Variants in CPEB4 observed in about 807,000 individuals in gnomAD.
The protein encoded by CPEB4 is cytoplasmic polyadenylation element-binding protein 4.
CPEB4 carries 12 observed loss-of-function variants against 72.5 expected under a neutral mutation model. The ratio of observed to expected loss-of-function variants is 0.17; its 90% CI spans 0.11 to 0.27. The LOEUF is 0.27. Among genes scored for constraint, CPEB4 ranks in the 10% least tolerant of loss-of-function variants. The probability of loss-of-function intolerance (pLI) is 1.00; values close to 1 mark genes in which losing one functional copy is unlikely to be tolerated. For synonymous variants in CPEB4, 302 were observed against 326.3 expected (o/e 0.93, Z 0.80); for missense variants, 614 against 908.5 (o/e 0.68, Z 4.17).
In CPEB4 at chr5:173,888,352, C is replaced by T. The variant is rs746978132; in HGVS notation, c.-1382C>T. The T allele has an allele frequency of 4.9e-6, 2 of 404,764 alleles. No individual in the cohort carries two copies. The highest frequency in any genetic ancestry group is 4.3e-6 in the Non-Finnish European group (1 of 229,960). 25.1% of individuals were successfully genotyped at this position (404,764 alleles called of 1,614,324 possible). On this transcript the variant is annotated 5_prime_UTR_variant, in exon 1 of 10. Transcript: ENST00000265085. This position sits in a 1 kb window ranked among gnomAD's most constrained non-coding sequence, Gnocchi z 4.3. ...CTTTCCAGCTGGTTGTCATTTCACTCGGCTCGGTCCTGAGGAGAAGGACTC... is the reference window on the plus strand; with the variant it reads ...CTTTCCAGCTGGTTGTCATTTCACTTGGCTCGGTCCTGAGGAGAAGGACTC...
chr5:173,955,979 A>G lies in CPEB4; in HGVS notation c.2032A>G (p.Lys678Glu), dbSNP rs201453965. The change falls in exon 10 of 10, where the codon AAA becomes GAA. Residue 678 changes from lysine to glutamate, a missense_variant. Physicochemically the swap from Lys to Glu is moderately conservative, Grantham distance 56. Transcript: ENST00000265085. This position sits in a 1 kb window ranked among gnomAD's most constrained non-coding sequence, Gnocchi z 4.7. ...ATGTCAGGGGGCCCGTTGTGGGGGG[A>G]AATTTGCTCCATTTTTCTGTGCTAA... ...DECQGARCGGKFAPFFCANVT... is the reference protein window; with the variant it reads ...DECQGARCGGEFAPFFCANVT... 1.9e-6 allele frequency: 3 copies of G among 1,613,680 alleles called. No individual in the cohort carries two copies. Among genetic ancestry groups the G allele is most frequent in the Non-Finnish European group, 2.5e-6 (3 of 1,179,912 alleles).
intron 1 of CPEB4, among the ~76,000 whole-genome samples, chr5:173,903,593 G>T (rs1052034216): frequency 6.6e-6 from 1 of 152,138 alleles, no homozygotes; most frequent in Non-Finnish European, 1.5e-5. Context: ...TGATTCTGAC[G>T]TACTCTCAAG....
At chr5:173,943,730 AT>A (rs1757925697) in intron 4 of CPEB4, among the ~76,000 whole-genome samples, 1 of 152,190 alleles carries the variant, frequency 6.6e-6, no homozygotes, top group South Asian at 2.1e-4. Context: ...CAGTTTTATA[AT>A]CAGTTTGTGT....
rs561420729 is a variant in CPEB4, at chr5:173,958,465, T to C, written c.*2328T>C. The C allele has an allele frequency of 3.9e-4, 60 of 152,500 alleles. No individual in the cohort carries two copies. Among genetic ancestry groups the C allele is most frequent in the Non-Finnish European group, 8.2e-4 (56 of 67,976 alleles). The allele number at this position is 152,500 out of a possible 1,614,324, so 9.4% of individuals were successfully genotyped here. Reference sequence around the variant, plus strand: ...AATTTTAATAAATTTTATTTTCTTATATTCTGCTTTTTATACATTTCAGTG... The same window carrying C: ...AATTTTAATAAATTTTATTTTCTTACATTCTGCTTTTTATACATTTCAGTG... On this transcript the variant is annotated 3_prime_UTR_variant, in exon 10 of 10. Coordinates refer to ENST00000265085, the MANE Select transcript of CPEB4 (RefSeq NM_030627.4).
At chr5:173,921,393 A>G (rs1757067065) in intron 2 of CPEB4, among the ~76,000 whole-genome samples, 1 of 152,204 alleles carries the variant, frequency 6.6e-6, no homozygotes, top group South Asian at 2.1e-4. Flanking sequence ...CTTGTTACAA[A>G]AAAGAACATA....
At chr5:173,932,574 T>C (rs1757485746) in intron 3 of CPEB4, 74 bp downstream of exon 3, 1 of 1,126,014 alleles carries the variant, frequency 8.9e-7, no homozygotes, top group Non-Finnish European at 1.3e-6. Context: ...AGTGGAGAAA[T>C]GACATTAGTT....
chr5:173,903,470 A>C (rs971573424), intron 1 of CPEB4, among the ~76,000 whole-genome samples: 1 of 152,236 alleles, frequency 6.6e-6, no homozygotes, highest in African/African-American at 2.4e-5. Context: ...TCAAAGAGTA[A>C]TCCCTGGTGT....
intron 3 of CPEB4, among the ~76,000 whole-genome samples, chr5:173,934,006 A>G (rs1280200236): frequency 6.6e-6 from 1 of 152,154 alleles, no homozygotes; most frequent in Non-Finnish European, 1.5e-5. Context: ...AACATGGCCA[A>G]ACCTTGTCTC....
intron 1 of CPEB4, among the ~76,000 whole-genome samples, chr5:173,898,252 T>G (rs1475964930): frequency 6.6e-6 from 1 of 152,202 alleles, no homozygotes; most frequent in Non-Finnish European, 1.5e-5. Context: ...GAGGAATGCA[T>G]CTAGTCAATA....
At chr5:173,945,199 A>C in intron 5 of CPEB4, 59 bp downstream of exon 5, 20 of 1,430,810 alleles carry the variant, frequency 1.4e-5, no homozygotes, top group Non-Finnish European at 1.8e-5. Flanking sequence ...TAGGAAACTC[A>C]CAGATAGTGT....
chr5:173,902,493 G>A (rs533094646), intron 1 of CPEB4, among the ~76,000 whole-genome samples: 2 of 152,136 alleles, frequency 1.3e-5, no homozygotes, highest in South Asian at 4.1e-4. Flanking sequence ...TAATAGAGTG[G>A]TGGTGGTGGT....
rs1473220334 is a variant in CPEB4, at chr5:173,930,977, T to G, written c.1208-1473T>G. ...CTGCACTCCAGCCTTGGAGACAGAG[T>G]GAGACTCTGTCTCAAAAAAAAAAAA... is the stretch of plus-strand genomic sequence containing the variant. On this transcript the variant is annotated intron_variant, in intron 2 of 9. Coordinates refer to ENST00000265085, the MANE Select transcript of CPEB4 (RefSeq NM_030627.4). Among the ~76,000 whole-genome samples the G allele has an allele frequency of 2.6e-4, 31 of 117,106 alleles. No individual in the cohort carries two copies. The South Asian group carries it at 8.9e-3, about 34-fold the overall frequency. 76.8% of individuals were successfully genotyped at this position (117,106 alleles called of 152,430 possible).
chr5:173,935,939 C>T (rs752752087), intron 3 of CPEB4, among the ~76,000 whole-genome samples: 1 of 152,164 alleles, frequency 6.6e-6, no homozygotes, highest in Admixed American at 6.6e-5. Context: ...CAATGACCTT[C>T]GTATACCACT....
intron 1 of CPEB4, among the ~76,000 whole-genome samples, chr5:173,902,703 C>A (rs1274605958): frequency 6.6e-6 from 1 of 152,112 alleles, no homozygotes; most frequent in Non-Finnish European, 1.5e-5. Flanking sequence ...ATTTGCCTTG[C>A]AGGTTTCTAA....
chr5:173,953,115 G>T lies in CPEB4; in HGVS notation c.1805G>T (p.Arg602Leu). The change falls in exon 9 of 10, where the codon CGG (arginine) becomes CTG (leucine). Residue 602 changes from arginine (R) to leucine (L), a missense_variant. Arg to Leu is a moderately radical substitution (Grantham distance 102). Transcript: ENST00000265085. ...RAVELAMIMD[R>L]LYGGVCYAGI... is the part of the protein sequence containing the mutation. ...GTGGAGCTTGCGATGATAATGGATC[G>T]GCTATATGGAGGTGTGTGCTACGCT... 1 of 1,607,746 alleles carries T rather than the reference G, an allele frequency of 6.2e-7. No homozygotes were observed.
chr5:173,914,056 G>A (rs1756775700), intron 2 of CPEB4, among the ~76,000 whole-genome samples: 1 of 152,206 alleles, frequency 6.6e-6, no homozygotes, highest in Non-Finnish European at 1.5e-5. Flanking sequence ...CAGGAAGCTT[G>A]TGTGTTTTTT....
In CPEB4 at chr5:173,957,282, C is replaced by G. The variant is rs1020817284; in HGVS notation, c.*1145C>G. On this transcript the variant is annotated 3_prime_UTR_variant, in exon 10 of 10. Coordinates refer to ENST00000265085, the MANE Select transcript of CPEB4 (RefSeq NM_030627.4). ...TTAGATTTAAAGTTACTTTGGGTAT[C>G]CTGTAATTTAGTTGTAACATAGAAA... 1 of 152,596 alleles carries G rather than the reference C, an allele frequency of 6.6e-6. No homozygotes were observed. The highest frequency in any genetic ancestry group is 1.5e-5 in the Non-Finnish European group (1 of 68,018). 9.5% of individuals were successfully genotyped at this position (152,596 alleles called of 1,614,324 possible).
intron 1 of CPEB4, among the ~76,000 whole-genome samples, chr5:173,907,464 C>T (rs564166721): frequency 5.9e-5 from 9 of 152,218 alleles, no homozygotes; most frequent in South Asian, 2.1e-4. Flanking sequence ...ATGCATGTTC[C>T]GGAAATTCAT....
intron 4 of CPEB4, among the ~76,000 whole-genome samples, chr5:173,943,866 A>G (rs770978019): frequency 1.3e-5 from 2 of 152,246 alleles, no homozygotes; most frequent in South Asian, 2.1e-4. Flanking sequence ...AAGTAAGAGC[A>G]CTTGAGATAC....
Sources: allele counts gnomAD v4.1 joint callset (sites outside exome capture counted in the v4.1 genomes callset), GRCh38; gene constraint gnomAD v4.1.1; non-coding constraint Gnocchi (gnomAD v3.1); transcripts MANE v1.5; gene names NCBI Gene and HGNC (gene_info 2026-07-23, HGNC 2026-07-21).